FMNL2: variants seen among roughly 807,000 people sequenced by gnomAD.
FMNL2 encodes formin like 2, also known as formin-like protein 2.
In FMNL2, 51 loss-of-function variants were observed where a neutral mutation model predicts 130.2. That is an observed-to-expected ratio of 0.39 (90% confidence interval 0.31 to 0.49). FMNL2 has a LOEUF of 0.49. Ranked by LOEUF, FMNL2 falls within the 20% of genes least tolerant of loss-of-function variation. FMNL2 has a pLI of 0.85. For synonymous variants in FMNL2, 465 were observed against 467.1 expected (o/e 1.00, Z 0.06); for missense variants, 977 against 1,316.2 (o/e 0.74, Z 3.99).
chr2:152,612,515 G>A (rs1386825069), intron 11 of FMNL2, among the ~76,000 whole-genome samples: 3 of 152,192 alleles, frequency 2.0e-5, no homozygotes, highest in African/African-American at 7.2e-5. Flanking sequence ...GCGAGACCCT[G>A]TGTCTAAAAC....
At chr2:152,390,051 G>A (rs1685016400) in intron 1 of FMNL2, 15 of 1,581,866 alleles carry the variant, frequency 9.5e-6, no homozygotes, top group South Asian at 3.3e-5. Context: ...GCTCAAGAAC[G>A]GCAGCCTTGA....
intron 9 of FMNL2, among the ~76,000 whole-genome samples, chr2:152,598,385 G>A (rs546137452): frequency 2.2e-4 from 34 of 152,244 alleles, no homozygotes; most frequent in African/African-American, 7.9e-4. Flanking sequence ...ATCCTCAGGT[G>A]GCTATTTAAA....
intron 15 of FMNL2, among the ~76,000 whole-genome samples, chr2:152,624,735 G>C (rs1475256640): frequency 1.1e-4 from 16 of 152,150 alleles, no homozygotes; most frequent in Admixed American, 1.0e-3. Flanking sequence ...CTACTTGGAG[G>C]CTGAGGTGGG....
chr2:152,420,361 T>G (rs1476687208), intron 1 of FMNL2, among the ~76,000 whole-genome samples: 1 of 152,220 alleles, frequency 6.6e-6, no homozygotes, highest in Non-Finnish European at 1.5e-5. Flanking sequence ...ACGTGATTTT[T>G]AAGAGTACAA....
chr2:152,608,979 A>G (rs1260136932), intron 10 of FMNL2, among the ~76,000 whole-genome samples: 2 of 32,924 alleles, frequency 6.1e-5, no homozygotes, highest in South Asian at 9.5e-4. Flanking sequence ...AGCAGCCCCT[A>G]TTGCTTTAGT....
chr2:152,483,135 A>G (rs1690624409), intron 1 of FMNL2, among the ~76,000 whole-genome samples: 1 of 152,194 alleles, frequency 6.6e-6, no homozygotes, highest in Non-Finnish European at 1.5e-5. Context: ...TAAGAATTCC[A>G]TAAAGACTGG....
intron 1 of FMNL2, among the ~76,000 whole-genome samples, chr2:152,385,081 T>A (rs1314211943): frequency 6.6e-6 from 1 of 152,222 alleles, no homozygotes; most frequent in Non-Finnish European, 1.5e-5. Context: ...ATCTAGAGGC[T>A]CCAGGGAGAC....
At chr2:152,636,354 GC>G in intron 21 of FMNL2, 72 bp from the exon 22 acceptor site, 1 of 1,494,438 alleles carries the variant, frequency 6.7e-7, no homozygotes, top group East Asian at 2.4e-5. Flanking sequence ...TGAGAACTTG[GC>G]CCAGCAGCCA....
chr2:152,415,097 G>A (rs1431363353), intron 1 of FMNL2, among the ~76,000 whole-genome samples: 2 of 151,924 alleles, frequency 1.3e-5, no homozygotes, highest in Non-Finnish European at 2.9e-5. Context: ...ATTTTAAGCT[G>A]TGGTGCAGAA....
At chr2:152,602,729 A>G (rs1698145020) in intron 9 of FMNL2, among the ~76,000 whole-genome samples, 1 of 152,208 alleles carries the variant, frequency 6.6e-6, no homozygotes, top group African/African-American at 2.4e-5. Context: ...AGAATGTGTA[A>G]TGATGTACAC....
At chr2:152,630,473 T>C (rs183179183) in intron 20 of FMNL2, among the ~76,000 whole-genome samples, 3 of 152,328 alleles carry the variant, frequency 2.0e-5, no homozygotes, top group Admixed American at 6.5e-5. Context: ...GTTGTTGTTG[T>C]TGCATGCAGG....
chr2:152,490,275 T>A (rs1299329472), intron 1 of FMNL2, among the ~76,000 whole-genome samples: 1 of 143,946 alleles, frequency 6.9e-6, no homozygotes, highest in Non-Finnish European at 1.5e-5. Context: ...TGAGAGTGGT[T>A]GGGGGGAGTG....
chr2:152,338,818 GATACACAC>G (rs1192209542), intron 1 of FMNL2, among the ~76,000 whole-genome samples: 1 of 60,316 alleles, frequency 1.7e-5, no homozygotes, highest in Non-Finnish European at 5.1e-5. Context: ...TGGAAGGTGA[GATACACAC>G]ACACACACAC....
chr2:152,488,169 G>A (rs1174527552), intron 1 of FMNL2, among the ~76,000 whole-genome samples: 1 of 152,188 alleles, frequency 6.6e-6, no homozygotes, highest in Non-Finnish European at 1.5e-5. Flanking sequence ...CCTATGCTGG[G>A]TCCTGTTGGG....
intron 9 of FMNL2, among the ~76,000 whole-genome samples, chr2:152,592,693 G>A (rs1697503139): frequency 6.6e-6 from 1 of 152,128 alleles, no homozygotes; most frequent in South Asian, 2.1e-4. Flanking sequence ...ATTCTTAGAT[G>A]CACCATCTGA....
chr2:152,582,627 T>C (rs1467141567), intron 9 of FMNL2, among the ~76,000 whole-genome samples: 1 of 152,208 alleles, frequency 6.6e-6, no homozygotes, highest in Non-Finnish European at 1.5e-5. Context: ...GAGACAAGAA[T>C]GTACGAATGC....
chr2:152,602,412 C>T (rs747570409), intron 9 of FMNL2, among the ~76,000 whole-genome samples: 1 of 152,066 alleles, frequency 6.6e-6, no homozygotes, highest in Non-Finnish European at 1.5e-5. Context: ...TGCTGGTAGC[C>T]CCAGCTGCTA....
rs568366346 is a variant in FMNL2, at chr2:152,498,678, G to A, written c.118-23265G>A. Among the ~76,000 whole-genome samples the A allele has an allele frequency of 2.6e-5, 4 of 152,222 alleles. No homozygotes were observed. In the South Asian group the frequency reaches 8.3e-4, roughly 32 times the overall value. On this transcript the variant is annotated intron_variant, in intron 1 of 25. Transcript: ENST00000288670. The stretch of plus-strand genomic sequence containing the variant: ...CGATCTTCTGGCAGATTTTACTGAC[G>A]ATAATGTTTTTGTGTAACATATATT...
intron 1 of FMNL2, among the ~76,000 whole-genome samples, chr2:152,463,560 A>C (rs574643345): frequency 3.2e-4 from 48 of 152,332 alleles, no homozygotes; most frequent in African/African-American, 1.1e-3. Flanking sequence ...AGGGGTGGCA[A>C]GATTTCACTA....
Sources: allele counts gnomAD v4.1 joint callset (sites outside exome capture counted in the v4.1 genomes callset), GRCh38; gene constraint gnomAD v4.1.1; transcripts MANE v1.5; gene names NCBI Gene and HGNC (gene_info 2026-07-23, HGNC 2026-07-21).